Variants in SIRPD observed in about 807,000 individuals in gnomAD.
SIRPD encodes signal regulatory protein delta, also known as signal-regulatory protein delta.
SIRPD carries 21 observed loss-of-function variants against 18.0 expected under a neutral mutation model. That is an observed-to-expected ratio of 1.17 (90% confidence interval 0.83 to 1.68). The LOEUF (loss-of-function observed/expected upper bound fraction) is 1.68. Ranked by LOEUF, SIRPD falls within the 40% of genes most tolerant of loss-of-function variation. The pLI is 0.00. For synonymous variants in SIRPD, 106 were observed against 92.9 expected, an observed-to-expected ratio of 1.14 and a Z score of -0.81; for missense variants, 295 against 238.4, an observed-to-expected ratio of 1.24 and a Z score of -1.56.
At chr20:1,539,777 G>C (rs763581401) in intron 2 of SIRPD, among the ~76,000 whole-genome samples, 9 of 152,190 alleles carry the variant, frequency 5.9e-5, no homozygotes, top group Non-Finnish European at 1.0e-4. Flanking sequence ...GTTGTGAGCT[G>C]TCCTATGGAG....
intron 2 of SIRPD, among the ~76,000 whole-genome samples, chr20:1,550,356 T>C (rs1316838934): frequency 6.6e-6 from 1 of 152,222 alleles, no homozygotes; most frequent in African/African-American, 2.4e-5. Flanking sequence ...AGAACTCATT[T>C]GTGAAGGTTG....
chr20:1,550,150 C>T (rs1019006995), intron 2 of SIRPD, among the ~76,000 whole-genome samples: 4 of 152,194 alleles, frequency 2.6e-5, no homozygotes, highest in African/African-American at 9.7e-5. Context: ...GCCCATTAAC[C>T]TTTCAGAGGC....
At chr20:1,540,847 T>A (rs192873518) in intron 2 of SIRPD, among the ~76,000 whole-genome samples, 26 of 152,298 alleles carry the variant, frequency 1.7e-4, no homozygotes, top group African/African-American at 5.3e-4. Context: ...TGCCCATATG[T>A]CCTCGTTGTT....
chr20:1,544,426 T>C (rs908475026), intron 2 of SIRPD, among the ~76,000 whole-genome samples: 7 of 142,934 alleles, frequency 4.9e-5, no homozygotes. Context: ...GAGACTAGGA[T>C]TGCAACAACT....
chr20:1,535,272 T>C (rs765036281), intron 3 of SIRPD, among the ~76,000 whole-genome samples: 5 of 152,128 alleles, frequency 3.3e-5, no homozygotes, highest in African/African-American at 4.8e-5. Context: ...AGTGAAGAGG[T>C]CAAAGTAAGA....
chr20:1,552,599 GGTTTCCTCT>G (rs2091024342), intron 1 of SIRPD, among the ~76,000 whole-genome samples: 1 of 152,060 alleles, frequency 6.6e-6, no homozygotes, highest in Non-Finnish European at 1.5e-5. Flanking sequence ...GAAGGGAGAG[GGTTTCCTCT>G]CCTCAACAAA....
At chr20:1,556,199 A>G (rs979982326) in intron 1 of SIRPD, among the ~76,000 whole-genome samples, 11 of 152,328 alleles carry the variant, frequency 7.2e-5, no homozygotes, top group Admixed American at 6.5e-4. Flanking sequence ...GTCACACACA[A>G]CTGAGATTAC....
At chr20:1,542,761 T>C (rs1022136247) in intron 2 of SIRPD, among the ~76,000 whole-genome samples, 2 of 152,108 alleles carry the variant, frequency 1.3e-5, no homozygotes, top group Admixed American at 6.5e-5. Flanking sequence ...TTCAGTATGA[T>C]ACTGGCTGTG....
chr20:1,550,228 T>A (rs961863548), intron 2 of SIRPD, among the ~76,000 whole-genome samples: 2 of 152,232 alleles, frequency 1.3e-5, no homozygotes. Flanking sequence ...GTTTTCAACC[T>A]GCTTAGCATT....
At chr20:1,551,442 C>T (rs2091018501) in intron 2 of SIRPD, among the ~76,000 whole-genome samples, 2 of 152,182 alleles carry the variant, frequency 1.3e-5, no homozygotes, top group South Asian at 4.1e-4. Context: ...TTAGGTTAGT[C>T]ATGGGGGTGG....
rs60382725 is a variant in SIRPD at position 1,548,971 on chromosome 20, G to A, written c.421+2720C>T. ...TCTGCTATCCCTATTACATGTATGCGGTGTGCTTAATGATGGCTTACATTT... is the reference window on the plus strand; with the variant it reads ...TCTGCTATCCCTATTACATGTATGCAGTGTGCTTAATGATGGCTTACATTT... On this transcript the variant is annotated intron_variant, in intron 2 of 3. Transcript: ENST00000381623. Among the ~76,000 whole-genome samples, 1,226 of 151,712 alleles carry A rather than the reference G, an allele frequency of 8.1e-3. 17 individuals carry two copies. Among genetic ancestry groups the A allele is most frequent in the African/African-American group, 0.028 (1,144 of 41,366 alleles).
chr20:1,536,681 C>T (rs1330665314), intron 3 of SIRPD, among the ~76,000 whole-genome samples: 1 of 152,154 alleles, frequency 6.6e-6, no homozygotes, highest in Non-Finnish European at 1.5e-5. Flanking sequence ...TATCTATCTA[C>T]CTATCTATCT....
intron 2 of SIRPD, among the ~76,000 whole-genome samples, chr20:1,539,476 A>T (rs1220020077): frequency 1.3e-5 from 2 of 152,244 alleles, no homozygotes; most frequent in Non-Finnish European, 2.9e-5. Context: ...GTGCTCAATT[A>T]CATCAAATTT....
At chr20:1,552,780 C>T (rs998611044) in intron 1 of SIRPD, among the ~76,000 whole-genome samples, 1 of 152,058 alleles carries the variant, frequency 6.6e-6, no homozygotes, top group Non-Finnish European at 1.5e-5. Flanking sequence ...GCCTAAGGAG[C>T]AGGTTAGAGA....
rs148702000 is a variant in SIRPD at position 1,557,405 on chromosome 20, G to A, written c.73+176C>T. ...GAGATTTGCAACAGACATGGCCACC[G>A]GGAGACTTTGTCAGAATTGGGGACC... On this transcript the variant is annotated intron_variant, in intron 1 of 3. Transcript: ENST00000381623. 7.9e-5 allele frequency among the ~76,000 whole-genome samples: 12 copies of A among 152,184 alleles called. No individual in the cohort carries two copies. The East Asian group carries it at 9.7e-4, about 12-fold the overall frequency.
intron 2 of SIRPD, 50 bp downstream of exon 2, chr20:1,551,641 T>G: frequency 1.6e-5 from 22 of 1,382,236 alleles, no homozygotes; most frequent in Non-Finnish European, 2.2e-5. Flanking sequence ...ACATAACTGC[T>G]GAGATGATAT....
At position 1,537,259 on chromosome 20, in the gene SIRPD, C is replaced by G. The variant is rs757851984; in HGVS notation, c.473G>C (p.Arg158Thr). 6.2e-6 allele frequency: 10 copies of G among 1,613,976 alleles called. No homozygotes were observed. The South Asian group carries it at 1.1e-4, about 18-fold the overall frequency. Residue 158 changes from arginine (R) to threonine (T), a missense_variant, in exon 3 of 4, where the codon AGG (arginine) becomes ACG (threonine). Arg to Thr is a moderately conservative substitution (Grantham distance 71). Transcript: ENST00000381623. ...GCAGGTATGGGCATCATGGTGGGCC[C>G]TGGAGCCTGCTCTGCCTGCAGGTCT... ...KNRPAGRAGS[R>T]AHHDAHTCLS...
chr20:1,553,010 TG>T (rs1030108461), intron 1 of SIRPD, among the ~76,000 whole-genome samples: 4 of 151,806 alleles, frequency 2.6e-5, no homozygotes, highest in Non-Finnish European at 5.9e-5. Flanking sequence ...ATTCAGAGGG[TG>T]GTGAGGAGAA....
At position 1,551,935 on chromosome 20, in the gene SIRPD, A is replaced by C. The variant is rs528187709; in HGVS notation, c.177T>G (p.Asn59Lys). 2.5e-6 allele frequency: 4 copies of C among 1,614,108 alleles called. No individual in the cohort carries two copies. In the South Asian group the frequency reaches 3.3e-5, roughly 13 times the overall value. ...TTCCCTTGAACCACAAGACAGGTCC[A>C]TTTGGTAAGGTATTGGGTACGCTGC... Reference protein sequence around the residue: ...LSCSVPNTLPNGPVLWFKGTG... With the variant: ...LSCSVPNTLPKGPVLWFKGTG... Residue 59 changes from asparagine (N) to lysine (K), a missense_variant, in exon 2 of 4, where the codon AAT (asparagine) becomes AAG (lysine). Transcript: ENST00000381623.
Sources: gnomAD v4.1 joint callset for allele counts (sites outside exome capture counted in the v4.1 genomes callset) on GRCh38, gnomAD v4.1.1 for gene constraint, MANE v1.5 for transcripts, NCBI Gene and HGNC (gene_info 2026-07-23, HGNC 2026-07-21) for gene names.